The following DLGAP1 variants were observed in gnomAD, a reference collection of about 807,000 sequenced individuals.
The protein encoded by DLGAP1 is disks large-associated protein 1.
Under a neutral mutation model 90.8 loss-of-function variants are expected in DLGAP1, and 11 were observed. The ratio of observed to expected loss-of-function variants is 0.12; its 90% CI spans 0.08 to 0.20. The LOEUF (loss-of-function observed/expected upper bound fraction) is 0.20. Ranked by LOEUF, DLGAP1 falls within the 10% of genes least tolerant of loss-of-function variation. The pLI, the probability that DLGAP1 is intolerant of heterozygous loss-of-function variation, is 1.00. For synonymous variants in DLGAP1, 558 were observed against 540.7 expected, an observed-to-expected ratio of 1.03 and a Z score of -0.44; for missense variants, 1,050 against 1,333.8, an observed-to-expected ratio of 0.79 and a Z score of 3.31.
At chr18:4,121,760 TC>T (rs1472135163) in intron 2 of DLGAP1, among the ~76,000 whole-genome samples, 1 of 152,168 alleles carries the variant, frequency 6.6e-6, no homozygotes, top group Non-Finnish European at 1.5e-5. Context: ...ATCGTGATAG[TC>T]CTGAATAAAA....
chr18:4,040,388 A>G (rs2074956524), intron 2 of DLGAP1, among the ~76,000 whole-genome samples: 1 of 152,252 alleles, frequency 6.6e-6, no homozygotes. Flanking sequence ...GATGAAACTT[A>G]TAATAGATAA....
At chr18:4,202,934 A>T (rs2077634619) in intron 1 of DLGAP1, among the ~76,000 whole-genome samples, 1 of 152,212 alleles carries the variant, frequency 6.6e-6, no homozygotes. Context: ...ACAGATAAAC[A>T]CAGGCAGATT....
At chr18:3,803,991 T>C (rs1474041936) in intron 5 of DLGAP1, among the ~76,000 whole-genome samples, 1 of 102,876 alleles carries the variant, frequency 9.7e-6, no homozygotes, top group Non-Finnish European at 2.0e-5. Context: ...TATATATATA[T>C]ATATATATAT....
intron 7 of DLGAP1, among the ~76,000 whole-genome samples, chr18:3,629,834 C>A (rs2058459519): frequency 6.6e-6 from 1 of 152,092 alleles, no homozygotes; most frequent in Non-Finnish European, 1.5e-5. Flanking sequence ...TTCGATGTCC[C>A]TTTCTTGTGA....
chr18:4,216,302 A>G (rs372564458), intron 1 of DLGAP1, among the ~76,000 whole-genome samples: 1 of 144,388 alleles, frequency 6.9e-6, no homozygotes, highest in Non-Finnish European at 1.5e-5. Flanking sequence ...CCCCCCCCCC[A>G]CCAGGTCCCT....
At chr18:3,764,699 C>T (rs1011512076) in intron 5 of DLGAP1, among the ~76,000 whole-genome samples, 16 of 152,172 alleles carry the variant, frequency 1.1e-4, no homozygotes, top group African/African-American at 3.1e-4. Context: ...ATCTTCTCTT[C>T]GGGAAAGTGA....
chr18:4,356,738 C>A (rs947772455), intron 1 of DLGAP1, among the ~76,000 whole-genome samples: 3 of 152,190 alleles, frequency 2.0e-5, no homozygotes, highest in African/African-American at 7.2e-5. Flanking sequence ...ACTAAGTGCT[C>A]CTCCTAAATC....
chr18:4,388,991 A>G (rs1301523752), intron 1 of DLGAP1, among the ~76,000 whole-genome samples: 1 of 152,192 alleles, frequency 6.6e-6, no homozygotes, highest in Non-Finnish European at 1.5e-5. Context: ...CATAAGATCC[A>G]GCAGTTCCAC....
At chr18:3,683,051 T>C (rs2060577057) in intron 7 of DLGAP1, among the ~76,000 whole-genome samples, 1 of 151,918 alleles carries the variant, frequency 6.6e-6, no homozygotes, top group Non-Finnish European at 1.5e-5. Flanking sequence ...GAGTTGGGGG[T>C]TTCACCATGT....
At chr18:4,137,891 T>C (rs2076432350) in intron 2 of DLGAP1, among the ~76,000 whole-genome samples, 2 of 152,112 alleles carry the variant, frequency 1.3e-5, no homozygotes, top group Non-Finnish European at 2.9e-5. Context: ...CAGGGATTAC[T>C]TTTCTGATTT....
intron 3 of DLGAP1, among the ~76,000 whole-genome samples, chr18:3,945,635 G>GTT: frequency 6.6e-6 from 1 of 152,076 alleles, no homozygotes; most frequent in African/African-American, 2.4e-5. Flanking sequence ...TCTTCTTATG[G>GTT]GATTTTTAAG....
intron 2 of DLGAP1, among the ~76,000 whole-genome samples, chr18:4,102,768 ATATC>A (rs1377823269): frequency 2.6e-5 from 4 of 152,184 alleles, no homozygotes; most frequent in African/African-American, 9.7e-5. Context: ...TTATGTATAA[ATATC>A]TACACATACT....
At chr18:3,851,552 C>T (rs2069342921) in intron 4 of DLGAP1, among the ~76,000 whole-genome samples, 1 of 151,994 alleles carries the variant, frequency 6.6e-6, no homozygotes, top group Non-Finnish European at 1.5e-5. Flanking sequence ...TCAACTCATT[C>T]AAATAGGAGT....
chr18:4,156,458 T>G (rs2076758179), intron 1 of DLGAP1, among the ~76,000 whole-genome samples: 1 of 152,220 alleles, frequency 6.6e-6, no homozygotes, highest in Admixed American at 6.5e-5. Context: ...AAAATGTATC[T>G]TTTTCTACTG....
intron 7 of DLGAP1, among the ~76,000 whole-genome samples, chr18:3,652,035 G>A (rs929023332): frequency 2.6e-5 from 4 of 151,744 alleles, no homozygotes; most frequent in Admixed American, 1.3e-4. Context: ...GTGGTGGCGC[G>A]CGCCTGTAGT....
intron 2 of DLGAP1, among the ~76,000 whole-genome samples, chr18:4,089,773 CG>C (rs1267921470): frequency 6.6e-6 from 1 of 152,188 alleles, no homozygotes; most frequent in Non-Finnish European, 1.5e-5. Flanking sequence ...TGGCCGGGCA[CG>C]GTGGCTCACG....
chr18:3,772,110 TCTTTC>T (rs767389172), intron 5 of DLGAP1, among the ~76,000 whole-genome samples: 182 of 150,884 alleles, frequency 1.2e-3, no homozygotes, highest in Non-Finnish European at 2.0e-3. Flanking sequence ...TCTTTTCTTT[TCTTTC>T]CTTTCTTTCT....
intron 1 of DLGAP1, among the ~76,000 whole-genome samples, chr18:4,186,592 G>A (rs2077299603): frequency 6.6e-6 from 1 of 152,102 alleles, no homozygotes; most frequent in Admixed American, 6.6e-5. Context: ...TTATAGATGT[G>A]TGGTCTTATT....
At chr18:4,335,191 G>A (rs954180292) in intron 1 of DLGAP1, among the ~76,000 whole-genome samples, 3 of 151,964 alleles carry the variant, frequency 2.0e-5, no homozygotes, top group Admixed American at 6.6e-5. Context: ...TTTCTTATGG[G>A]TGAGAATGTC....
Sources: gnomAD v4.1 joint callset for allele counts (sites outside exome capture counted in the v4.1 genomes callset) on GRCh38, gnomAD v4.1.1 for gene constraint, MANE v1.5 for transcripts, NCBI Gene and HGNC (gene_info 2026-07-23, HGNC 2026-07-21) for gene names.